Variants in PPARGC1A observed in about 807,000 individuals in gnomAD.
PPARGC1A encodes the protein PPARG coactivator 1 alpha, also known as peroxisome proliferator-activated receptor gamma coactivator 1-alpha.
PPARGC1A carries 25 observed loss-of-function variants against 88.7 expected under a neutral mutation model. That is an observed-to-expected ratio of 0.28 (90% CI 0.21 to 0.39). The LOEUF is 0.39. Among genes scored for constraint, PPARGC1A ranks in the 10% least tolerant of loss-of-function variants. The pLI, the probability that PPARGC1A is intolerant of heterozygous loss-of-function variation, is 1.00. For synonymous variants in PPARGC1A, 363 were observed against 355.6 expected, an observed-to-expected ratio of 1.02 and a Z score of -0.24; for missense variants, 880 against 968.7, an observed-to-expected ratio of 0.91 and a Z score of 1.22.
At chr4:23,813,663 T>C (rs751710310) in intron 8 of PPARGC1A, 27 bp downstream of exon 8, 27 of 1,477,426 alleles carry the variant, frequency 1.8e-5, no homozygotes, top group African/African-American at 2.8e-5. Flanking sequence ...ACACCTTTTG[T>C]GTTATTAGGG....
At chr4:23,859,475 A>T (rs761644887) in intron 2 of PPARGC1A, among the ~76,000 whole-genome samples, 2 of 152,202 alleles carry the variant, frequency 1.3e-5, no homozygotes, top group African/African-American at 2.4e-5. Context: ...GAAGAACATT[A>T]ACAAAAATTC....
the PPARGC1A span, among the ~76,000 whole-genome samples, chr4:24,106,420 G>C: frequency 6.6e-6 from 1 of 152,116 alleles, no homozygotes; most frequent in Non-Finnish European, 1.5e-5. Context: ...CCTGATTCAG[G>C]GGCAGGTCGA....
At chr4:23,986,874 C>T in the PPARGC1A span, among the ~76,000 whole-genome samples, 1 of 152,016 alleles carries the variant, frequency 6.6e-6, no homozygotes, top group South Asian at 2.1e-4. Context: ...CAAACAAATC[C>T]ACAAAATGCA....
At chr4:24,295,703 T>TTA in the PPARGC1A span, among the ~76,000 whole-genome samples, 1 of 149,994 alleles carries the variant, frequency 6.7e-6, no homozygotes, top group Non-Finnish European at 1.5e-5. Context: ...ATACATTACA[T>TTA]TATATACACA....
chr4:24,104,691 G>A, the PPARGC1A span, among the ~76,000 whole-genome samples: 1 of 152,108 alleles, frequency 6.6e-6, no homozygotes, highest in East Asian at 1.9e-4. Flanking sequence ...AAAGACAAAA[G>A]CAGGAATGGG....
At chr4:24,346,399 C>A in the PPARGC1A span, among the ~76,000 whole-genome samples, 1 of 152,048 alleles carries the variant, frequency 6.6e-6, no homozygotes, top group Non-Finnish European at 1.5e-5. Flanking sequence ...TACTGTGAAT[C>A]CTTCTGGTCC....
chr4:24,434,684 T>C, the PPARGC1A span, among the ~76,000 whole-genome samples: 7 of 152,322 alleles, frequency 4.6e-5, no homozygotes, highest in Admixed American at 3.9e-4. Context: ...CCATGGGGAA[T>C]GGATTTTGCC....
the PPARGC1A span, among the ~76,000 whole-genome samples, chr4:24,136,691 G>T: frequency 6.6e-6 from 1 of 152,106 alleles, no homozygotes; most frequent in Non-Finnish European, 1.5e-5. Flanking sequence ...CCTGAAAATT[G>T]TAATATTAGA....
the PPARGC1A span, among the ~76,000 whole-genome samples, chr4:24,214,950 T>C: frequency 1.3e-5 from 2 of 152,216 alleles, no homozygotes; most frequent in African/African-American, 2.4e-5. Flanking sequence ...CTTGTGCTGC[T>C]CATTGTAACC....
chr4:23,920,856 C>CT, the PPARGC1A span, among the ~76,000 whole-genome samples: 2 of 152,150 alleles, frequency 1.3e-5, no homozygotes, highest in South Asian at 4.1e-4. Context: ...AGGGAGGTTC[C>CT]TCCCATTCTT....
intron 2 of PPARGC1A, among the ~76,000 whole-genome samples, chr4:23,864,475 C>T (rs763348686): frequency 2.6e-5 from 4 of 152,162 alleles, no homozygotes; most frequent in Admixed American, 1.3e-4. Context: ...GGGTAGTATA[C>T]CTTCAGGAGT....
the PPARGC1A span, among the ~76,000 whole-genome samples, chr4:24,460,036 G>A: frequency 7.9e-5 from 12 of 152,290 alleles, no homozygotes; most frequent in East Asian, 2.3e-3. Context: ...AAACAACTAA[G>A]TGATGCTTGA....
At chr4:23,852,353 T>C (rs1401856041) in intron 2 of PPARGC1A, among the ~76,000 whole-genome samples, 1 of 152,194 alleles carries the variant, frequency 6.6e-6, no homozygotes, top group African/African-American at 2.4e-5. Flanking sequence ...TCTGAAGATC[T>C]AGAGAAGCTG....
the PPARGC1A span, among the ~76,000 whole-genome samples, chr4:24,335,818 G>A: frequency 6.6e-6 from 1 of 152,112 alleles, no homozygotes; most frequent in African/African-American, 2.4e-5. Context: ...AATTTGAATT[G>A]CAAATGCTTC....
chr4:23,920,676 C>T, the PPARGC1A span, among the ~76,000 whole-genome samples: 1 of 152,200 alleles, frequency 6.6e-6, no homozygotes, highest in African/African-American at 2.4e-5. Context: ...CAACTTTCTT[C>T]CTCCCAGCTC....
the PPARGC1A span, among the ~76,000 whole-genome samples, chr4:24,352,650 C>T: frequency 6.6e-6 from 1 of 152,198 alleles, no homozygotes; most frequent in African/African-American, 2.4e-5. Context: ...TCCAAACCAA[C>T]CCATGAGCAA....
At chr4:24,341,231 A>C in the PPARGC1A span, among the ~76,000 whole-genome samples, 1 of 150,750 alleles carries the variant, frequency 6.6e-6, no homozygotes, top group Admixed American at 6.6e-5. Context: ...ATATATATAT[A>C]TACACACACG....
chr4:24,207,507 A>G, the PPARGC1A span, among the ~76,000 whole-genome samples: 1 of 152,224 alleles, frequency 6.6e-6, no homozygotes. Flanking sequence ...GATCATCAAC[A>G]GTCATTTGCT....
At chr4:24,275,083 G>A in the PPARGC1A span, among the ~76,000 whole-genome samples, 41,351 of 152,066 alleles carry the variant, frequency 0.27, 6,473 homozygotes, top group Non-Finnish European at 0.35. Flanking sequence ...GCCCTCACAC[G>A]GGAAGTACTG....
Sources: allele counts gnomAD v4.1 joint callset (sites outside exome capture counted in the v4.1 genomes callset), GRCh38; gene constraint gnomAD v4.1.1; transcripts MANE v1.5; gene names NCBI Gene and HGNC (gene_info 2026-07-23, HGNC 2026-07-21).